SUCLG2: variants seen among roughly 807,000 people sequenced by gnomAD.
The protein encoded by SUCLG2 is succinate--CoA ligase [GDP-forming] subunit beta, mitochondrial.
In SUCLG2, 42 loss-of-function variants were observed where a neutral mutation model predicts 47.9. That is an observed-to-expected ratio of 0.88 (90% CI 0.69 to 1.14). The LOEUF is 1.14. Among genes scored for constraint, SUCLG2 ranks in the 50% most tolerant of loss-of-function variants. The probability of loss-of-function intolerance (pLI) is 0.00; values close to 1 mark genes in which losing one functional copy is unlikely to be tolerated. For missense variants in SUCLG2, 571 were observed against 525.9 expected (o/e 1.09, Z -0.84); for synonymous variants, 195 against 197.3 (o/e 0.99, Z 0.10).
At chr3:67,488,411 T>C (rs1489981963) in intron 9 of SUCLG2, among the ~76,000 whole-genome samples, 1 of 152,108 alleles carries the variant, frequency 6.6e-6, no homozygotes, top group Non-Finnish European at 1.5e-5. Context: ...ATCTGCAATC[T>C]CCTGAATCCA....
At position 67,588,001 on chromosome 3, in the gene SUCLG2, G is replaced by C. The variant is rs73836540; in HGVS notation, c.226+21454C>G. On this transcript the variant is annotated intron_variant, in intron 2 of 10. Coordinates refer to ENST00000307227, the MANE Select transcript of SUCLG2 (RefSeq NM_003848.4). ...CCTGTCAAATCCCATAAAAACAGATGGTCACTTAGAGACAGGAGAAGATGC... is the reference window on the plus strand; with the variant it reads ...CCTGTCAAATCCCATAAAAACAGATCGTCACTTAGAGACAGGAGAAGATGC... Among the ~76,000 whole-genome samples the C allele has an allele frequency of 3.1e-3, 470 of 152,232 alleles. 2 individuals carry two copies. Among genetic ancestry groups the C allele is most frequent in the African/African-American group, 0.011 (459 of 41,532 alleles).
At chr3:67,496,203 A>T (rs145897441) in intron 8 of SUCLG2, among the ~76,000 whole-genome samples, 9 of 152,236 alleles carry the variant, frequency 5.9e-5, no homozygotes, top group African/African-American at 2.2e-4. Flanking sequence ...TCTGAAAAAC[A>T]GAAAGAAGGA....
At chr3:67,608,675 A>ATT (rs5849769) in intron 2 of SUCLG2, among the ~76,000 whole-genome samples, 1 of 145,912 alleles carries the variant, frequency 6.9e-6, no homozygotes. Flanking sequence ...TGTTGTTCTA[A>ATT]TTTTTTTTTT....
At chr3:67,585,985 A>AC (rs1228072586) in intron 2 of SUCLG2, among the ~76,000 whole-genome samples, 1 of 46,790 alleles carries the variant, frequency 2.1e-5, no homozygotes, top group East Asian at 4.0e-4. Context: ...AAAAAAAAAA[A>AC]AAAAAACCAA....
At chr3:67,457,055 G>C (rs1197515449) in intron 9 of SUCLG2, among the ~76,000 whole-genome samples, 1 of 152,128 alleles carries the variant, frequency 6.6e-6, no homozygotes, top group Non-Finnish European at 1.5e-5. Context: ...TAATAACATT[G>C]TATGAACATT....
intron 9 of SUCLG2, among the ~76,000 whole-genome samples, chr3:67,482,921 T>A (rs1022174531): frequency 6.6e-6 from 1 of 152,182 alleles, no homozygotes; most frequent in African/African-American, 2.4e-5. Context: ...AAACTTTCTA[T>A]TGAGTTCTAA....
intron 7 of SUCLG2, among the ~76,000 whole-genome samples, chr3:67,502,710 A>T (rs1384636616): frequency 1.3e-5 from 2 of 152,228 alleles, no homozygotes; most frequent in African/African-American, 4.8e-5. Context: ...CTGTTCCTTT[A>T]TAATCTGAGA....
In SUCLG2 at chr3:67,386,953, GTGT is replaced by G. The variant is rs146575250; in HGVS notation, c.1184-11097_1184-11095del. Among the ~76,000 whole-genome samples the G allele has an allele frequency of 2.0e-4, 31 of 152,294 alleles. No homozygotes were observed. In the East Asian group the frequency reaches 6.0e-3, roughly 29 times the overall value. On this transcript the variant is annotated intron_variant, in intron 10 of 10. Coordinates refer to ENST00000307227, the MANE Select transcript of SUCLG2 (RefSeq NM_003848.4). ...GAAGACTCCCAAACAGTTGTAGCCT[GTGT>G]TGTTCTCTGTGCTTGCCTCTCTCTT... is the stretch of plus-strand genomic sequence containing the variant.
chr3:67,637,582 A>G (rs1481408651), intron 1 of SUCLG2, among the ~76,000 whole-genome samples: 1 of 152,222 alleles, frequency 6.6e-6, no homozygotes, highest in Non-Finnish European at 1.5e-5. Flanking sequence ...GAAATTGTTA[A>G]GGGTTTATAT....
chr3:67,466,644 T>C (rs1559536938), intron 9 of SUCLG2, among the ~76,000 whole-genome samples: 1 of 152,236 alleles, frequency 6.6e-6, no homozygotes, highest in South Asian at 2.1e-4. Context: ...CACTGAAGTT[T>C]GTCGCTATCG....
intron 9 of SUCLG2, among the ~76,000 whole-genome samples, chr3:67,433,023 G>C (rs897660178): frequency 3.9e-5 from 6 of 152,190 alleles, no homozygotes; most frequent in Admixed American, 3.9e-4. Context: ...ATAAAGCTGA[G>C]ATGGTATCTT....
At chr3:67,376,290 T>C in intron 10 of SUCLG2, 1 of 985,434 alleles carries the variant, frequency 1.0e-6, no homozygotes. Flanking sequence ...TTGGAGACTC[T>C]GGCGCATCCA....
At chr3:67,444,011 G>T (rs1352047748) in intron 9 of SUCLG2, among the ~76,000 whole-genome samples, 1 of 119,168 alleles carries the variant, frequency 8.4e-6, no homozygotes. Flanking sequence ...GGAGGGAGGT[G>T]GGGGGGTCAG....
At chr3:67,570,905 C>A (rs1027567911) in intron 2 of SUCLG2, among the ~76,000 whole-genome samples, 2 of 152,136 alleles carry the variant, frequency 1.3e-5, no homozygotes, top group African/African-American at 4.8e-5. Flanking sequence ...TTTTAGCAAA[C>A]TGTTGAAACT....
chr3:67,562,306 C>T (rs1342327563), intron 2 of SUCLG2, among the ~76,000 whole-genome samples: 4 of 151,664 alleles, frequency 2.6e-5, no homozygotes, highest in Non-Finnish European at 4.4e-5. Flanking sequence ...GAGACAGAGT[C>T]TTGCTCTGTC....
intron 2 of SUCLG2, among the ~76,000 whole-genome samples, chr3:67,579,036 A>G (rs1310790737): frequency 1.3e-5 from 2 of 152,250 alleles, no homozygotes; most frequent in Admixed American, 1.3e-4. Flanking sequence ...TCCAAAGGCT[A>G]AAATTTCTAT....
At chr3:67,471,135 A>G (rs1704595239) in intron 9 of SUCLG2, among the ~76,000 whole-genome samples, 2 of 152,206 alleles carry the variant, frequency 1.3e-5, no homozygotes. Context: ...TGTATCCTCT[A>G]GATAAGAAAG....
At chr3:67,457,845 T>C (rs1225390749) in intron 9 of SUCLG2, among the ~76,000 whole-genome samples, 3 of 152,120 alleles carry the variant, frequency 2.0e-5, no homozygotes, top group Non-Finnish European at 4.4e-5. Context: ...AATGGTGTTC[T>C]ATAATGAACC....
intron 7 of SUCLG2, among the ~76,000 whole-genome samples, chr3:67,506,616 C>G (rs1303612112): frequency 6.6e-6 from 1 of 152,194 alleles, no homozygotes; most frequent in Admixed American, 6.5e-5. Context: ...CTCGTGACTG[C>G]TTCCCAAAGG....
Sources: gnomAD v4.1 joint callset for allele counts (sites outside exome capture counted in the v4.1 genomes callset) on GRCh38, gnomAD v4.1.1 for gene constraint, MANE v1.5 for transcripts, NCBI Gene and HGNC (gene_info 2026-07-23, HGNC 2026-07-21) for gene names.